Variants in SDHAF4 observed in about 807,000 individuals in gnomAD.
SDHAF4 encodes succinate dehydrogenase complex assembly factor 4.
In SDHAF4, 14 loss-of-function variants were observed where a neutral mutation model predicts 14.3. The observed-to-expected ratio is 0.98, with a 90% CI of 0.65 to 1.53. The LOEUF (loss-of-function observed/expected upper bound fraction) is 1.53. Among genes scored for constraint, SDHAF4 ranks in the 40% most tolerant of loss-of-function variants. The pLI is 0.00. For synonymous variants in SDHAF4, 63 were observed against 47.3 expected (o/e 1.33, Z -1.36); for missense variants, 141 against 129.3 (o/e 1.09, Z -0.44).
chr6:70,579,602 A>G, intron 2 of SDHAF4, 36 bp downstream of exon 2: 1 of 1,525,788 alleles, frequency 6.6e-7, no homozygotes. Flanking sequence ...TTTTTGAAGT[A>G]TCAAGGAAAG....
Position 70,581,311 on chromosome 6 carries a change from TA to T in SDHAF4, c.217+1755del, listed in dbSNP as rs58007634. On this transcript the variant is annotated intron_variant, in intron 2 of 2. Transcript: ENST00000370474. The stretch of plus-strand genomic sequence containing the variant: ...TTATGTTATATATATTTTACCACAG[TA>T]AAAAAAAAAGAAAGCAAAAACCTGC... Among the ~76,000 whole-genome samples, 15 of 148,882 alleles carry T rather than the reference TA, an allele frequency of 1.0e-4. No individual in the cohort carries two copies. In the East Asian group the frequency reaches 1.4e-3, roughly 14 times the overall value.
chr6:70,584,287 T>C (rs1765173810), intron 2 of SDHAF4, among the ~76,000 whole-genome samples: 1 of 152,104 alleles, frequency 6.6e-6, no homozygotes, highest in Non-Finnish European at 1.5e-5. Context: ...AGTGCTGGGG[T>C]TACAGGCATG....
At chr6:70,574,826 G>A (rs535615518) in intron 1 of SDHAF4, among the ~76,000 whole-genome samples, 139 of 152,272 alleles carry the variant, frequency 9.1e-4, no homozygotes, top group Non-Finnish European at 1.6e-3. Context: ...TGCTGAGGAG[G>A]CTGAGGCAGG....
chr6:70,578,812 C>T (rs1027107081), intron 1 of SDHAF4, among the ~76,000 whole-genome samples: 5 of 152,140 alleles, frequency 3.3e-5, no homozygotes, highest in Non-Finnish European at 5.9e-5. Context: ...CCAACTATCC[C>T]AGCACCATTT....
chr6:70,570,916 C>T (rs1240199494), intron 1 of SDHAF4, among the ~76,000 whole-genome samples: 1 of 151,578 alleles, frequency 6.6e-6, no homozygotes, highest in Admixed American at 6.6e-5. Context: ...TGTTAAAACT[C>T]TTTATTTTGG....
intron 1 of SDHAF4, among the ~76,000 whole-genome samples, chr6:70,578,873 G>T (rs887702634): frequency 6.6e-6 from 1 of 152,118 alleles, no homozygotes; most frequent in African/African-American, 2.4e-5. Context: ...TAGAGACATG[G>T]TCTCACTATG....
chr6:70,588,091 G>A (rs1765224205), intron 2 of SDHAF4, among the ~76,000 whole-genome samples: 1 of 152,170 alleles, frequency 6.6e-6, no homozygotes, highest in Non-Finnish European at 1.5e-5. Context: ...CTTATTTCAA[G>A]ACCTTTCAAG....
chr6:70,572,612 AT>A (rs1297729727), intron 1 of SDHAF4, among the ~76,000 whole-genome samples: 1 of 151,120 alleles, frequency 6.6e-6, no homozygotes, highest in Admixed American at 6.6e-5. Flanking sequence ...GTTTTTATTC[AT>A]TTTTTTCTTA....
At chr6:70,579,877 A>C (rs370035622) in intron 2 of SDHAF4, among the ~76,000 whole-genome samples, 16 of 150,902 alleles carry the variant, frequency 1.1e-4, no homozygotes, top group African/African-American at 3.9e-4. Flanking sequence ...GTATCAAAGA[A>C]GGTTATGTTA....
At chr6:70,567,605 ATTG>A (rs1241428749) in intron 1 of SDHAF4, 1 of 152,176 alleles carries the variant, frequency 6.6e-6, no homozygotes, top group Non-Finnish European at 1.5e-5. Flanking sequence ...TTTTAAACCC[ATTG>A]TTGTTGGAAA....
At chr6:70,596,518 C>T in the SDHAF4 span, 2 of 152,202 alleles carry the variant, frequency 1.3e-5, no homozygotes, top group East Asian at 3.8e-4. Context: ...GCCATCTTGC[C>T]ATCTGTTTTG....
chr6:70,575,887 TG>T (rs2128534486), intron 1 of SDHAF4, among the ~76,000 whole-genome samples: 1 of 151,754 alleles, frequency 6.6e-6, no homozygotes, highest in East Asian at 1.9e-4. Context: ...TATTTCATGA[TG>T]TTGTTAAAAG....
intron 1 of SDHAF4, among the ~76,000 whole-genome samples, chr6:70,573,648 TTTTTCTTTTC>T (rs752249033): frequency 1.3e-5 from 2 of 151,614 alleles, no homozygotes; most frequent in African/African-American, 2.4e-5. Context: ...CTAATTTTTC[TTTTTCTTTTC>T]TTTTCTTTTC....
intron 2 of SDHAF4, among the ~76,000 whole-genome samples, chr6:70,585,568 A>G: frequency 6.6e-6 from 1 of 152,164 alleles, no homozygotes; most frequent in Non-Finnish European, 1.5e-5. Context: ...CACCTAGTCT[A>G]TGGTATTTTG....
At position 70,567,000 on chromosome 6, in the gene SDHAF4, G is replaced by T. The variant is rs1336865838; in HGVS notation, c.60G>T (p.Ala20=). The T allele has an allele frequency of 3.1e-6, 5 of 1,587,948 alleles. No individual in the cohort carries two copies. The highest frequency in any genetic ancestry group is 4.3e-6 in the Non-Finnish European group (5 of 1,167,308). The change falls in exon 1 of 3, where the codon GCG becomes GCT. Residue 20 remains alanine (A), a synonymous_variant. Transcript: ENST00000370474. ...GGGTCTCGGCCACGGCGTGGAGAGC[G>T]GCAAGTAAGCACCTGGCCTCGGGGC... ...LSWVSATAWR[A]ARSPLLCHSL... is the part of the protein sequence containing the mutation.
chr6:70,588,494 T>A (rs967640018), intron 2 of SDHAF4, 121 bp from the exon 3 acceptor site: 1 of 452,552 alleles, frequency 2.2e-6, no homozygotes, highest in Admixed American at 3.5e-5. Context: ...CAATCCAGCC[T>A]GGGCAACAGA....
At chr6:70,586,995 C>A (rs1482320277) in intron 2 of SDHAF4, among the ~76,000 whole-genome samples, 1 of 150,600 alleles carries the variant, frequency 6.6e-6, no homozygotes. Flanking sequence ...AAAGTAAAAC[C>A]CCCATCTCTA....
intron 1 of SDHAF4, among the ~76,000 whole-genome samples, chr6:70,573,179 C>T (rs1802206895): frequency 1.3e-5 from 2 of 150,282 alleles, no homozygotes; most frequent in African/African-American, 2.5e-5. Context: ...TCATTTGTCT[C>T]TATGCGTTTT....
chr6:70,573,817 G>T (rs1802217543), intron 1 of SDHAF4, among the ~76,000 whole-genome samples: 1 of 151,540 alleles, frequency 6.6e-6, no homozygotes, highest in African/African-American at 2.4e-5. Flanking sequence ...TGGGATTACA[G>T]GTGCCCACCA....
Sources: allele counts gnomAD v4.1 joint callset (sites outside exome capture counted in the v4.1 genomes callset), GRCh38; gene constraint gnomAD v4.1.1; transcripts MANE v1.5; gene names NCBI Gene and HGNC (gene_info 2026-07-23, HGNC 2026-07-21).